The following LMAN1 variants were observed in gnomAD, a reference collection of about 807,000 sequenced individuals.
LMAN1 encodes lectin, mannose binding 1.
LMAN1 carries 32 observed loss-of-function variants against 67.8 expected under a neutral mutation model. The ratio of observed to expected loss-of-function variants is 0.47; its 90% CI spans 0.36 to 0.63. The LOEUF is 0.63. LMAN1 is among the 30% of genes least tolerant of loss of function. The pLI is 0.00. For synonymous variants in LMAN1, 235 were observed against 219.3 expected, an observed-to-expected ratio of 1.07 and a Z score of -0.63; for missense variants, 632 against 628.2, an observed-to-expected ratio of 1.01 and a Z score of -0.06.
At chr18:59,350,739 C>A (rs1314201266) in intron 5 of LMAN1, among the ~76,000 whole-genome samples, 1 of 152,156 alleles carries the variant, frequency 6.6e-6, no homozygotes, top group African/African-American at 2.4e-5. Flanking sequence ...TCGTGATCCG[C>A]CCGCCTCGGC....
At chr18:59,345,829 G>A in intron 8 of LMAN1, 90 bp downstream of exon 8, 3 of 1,445,752 alleles carry the variant, frequency 2.1e-6, no homozygotes, top group Non-Finnish European at 2.9e-6. Context: ...AGAGAGCAGG[G>A]ATGAGCTAGG....
chr18:59,347,609 TAGG>T lies in LMAN1; in HGVS notation c.764-41_764-39del, dbSNP rs1568116429. 5.4e-6 allele frequency: 7 copies of T among 1,308,168 alleles called. No homozygotes were observed. In the Admixed American group the frequency reaches 7.3e-5, roughly 14 times the overall value. The allele number at this position is 1,308,168 out of a possible 1,614,324, so 81.0% of individuals were successfully genotyped here. A position where few individuals can be genotyped will look rare whatever the true frequency, so the allele number is the denominator to read the frequency against. Reference sequence around the variant, plus strand: ...AAAAAAAAAGTCTGAAAAAGTTCCATAGGAGATTACTTTTATCATTGTAAATGT... The same window carrying T: ...AAAAAAAAAGTCTGAAAAAGTTCCATAGATTACTTTTATCATTGTAAATGT... On this transcript the variant is annotated intron_variant, in intron 6 of 12. Coordinates refer to ENST00000251047, the MANE Select transcript of LMAN1 (RefSeq NM_005570.4).
chr18:59,339,464 C>A (rs1331110735), intron 8 of LMAN1, among the ~76,000 whole-genome samples: 1 of 152,124 alleles, frequency 6.6e-6, no homozygotes, highest in African/African-American at 2.4e-5. Context: ...AACCCCAGGG[C>A]CCTGCAGTCC....
intron 5 of LMAN1, among the ~76,000 whole-genome samples, chr18:59,350,699 G>A (rs1396500268): frequency 6.6e-6 from 1 of 151,984 alleles, no homozygotes; most frequent in African/African-American, 2.4e-5. Flanking sequence ...GTTTCACCGT[G>A]TGAGCCAGGA....
chr18:59,340,693 TATAAA>T (rs1908267601), intron 8 of LMAN1, among the ~76,000 whole-genome samples: 1 of 151,610 alleles, frequency 6.6e-6, no homozygotes, highest in African/African-American at 2.4e-5. Flanking sequence ...AAAACAGAAA[TATAAA>T]ATAAAAGTTC....
chr18:59,347,481 G>A lies in LMAN1; in HGVS notation c.822+32C>T, dbSNP rs7234168. The A allele has an allele frequency of 1.9e-6, 3 of 1,538,528 alleles. No homozygotes were observed. The Admixed American group carries it at 5.2e-5, about 27-fold the overall frequency. On this transcript the variant is annotated intron_variant, in intron 7 of 12. Transcript: ENST00000251047. ...GTTCAGCTAAAAGGCAAACTAAACT[G>A]ATAAAGTTTTTGAAAATATGTGTAA...
Position 59,331,479 on chromosome 18 carries a change from C to A in LMAN1, c.1435G>T (p.Val479Phe). 3 of 1,611,310 alleles carry A rather than the reference C, an allele frequency of 1.9e-6. No individual in the cohort carries two copies. The highest frequency in any genetic ancestry group is 2.5e-6 in the Non-Finnish European group (3 of 1,177,660). The stretch of plus-strand genomic sequence containing the variant: ...ACCACAACAAATATAATGAAGTGGA[C>A]CGTAGACAAACATGATGGAAATGGT... ...LPPFPSCLST[V>F]HFIIFVVVQT... The change falls in exon 12 of 13, where the codon GTC becomes TTC. Residue 479 changes from valine (V) to phenylalanine (F), a missense_variant. By Grantham distance (50) the Val-to-Phe change is conservative. Transcript: ENST00000251047.
In LMAN1 at chr18:59,338,839, T is replaced by C; in HGVS notation, c.1070A>G (p.Asp357Gly). The part of the protein sequence containing the change: ...QLNRQLDMIL[D>G]EQRRYVSSLT... ...GGAAGAGACATATCTTCTCTGTTCA[T>C]CAAGAATCATATCTAACTGCCGGTT... The change falls in exon 9 of 13, where the codon GAT (aspartate) becomes GGT (glycine). Residue 357 changes from aspartate (D) to glycine (G), a missense_variant. Physicochemically the swap from Asp to Gly is moderately conservative, Grantham distance 94. Coordinates refer to ENST00000251047, the MANE Select transcript of LMAN1 (RefSeq NM_005570.4). The C allele has an allele frequency of 6.2e-7, 1 of 1,614,036 alleles. No individual in the cohort carries two copies. Among genetic ancestry groups the C allele is most frequent in the Non-Finnish European group, 8.5e-7 (1 of 1,179,986 alleles).
Position 59,330,302 on chromosome 18 carries a change from A to C in LMAN1, c.*791T>G, listed in dbSNP as rs766937075. The stretch of plus-strand genomic sequence containing the variant: ...AATAAATTCCTTAAGTTACAAATAT[A>C]AATATAAAAATTATTTTCATAATAT... On this transcript the variant is annotated 3_prime_UTR_variant, in exon 13 of 13. Transcript: ENST00000251047. The C allele has an allele frequency of 5.2e-5, 8 of 152,732 alleles. No individual in the cohort carries two copies. Among genetic ancestry groups the C allele is most frequent in the Non-Finnish European group, 1.0e-4 (7 of 68,014 alleles). 9.5% of individuals were successfully genotyped at this position (152,732 alleles called of 1,614,324 possible).
chr18:59,355,597 T>C lies in LMAN1; in HGVS notation c.276A>G (p.Ser92=). 1 of 1,614,172 alleles carries C rather than the reference T, an allele frequency of 6.2e-7. No individual in the cohort carries two copies. The change falls in exon 2 of 13, where the codon TCA becomes TCG. Residue 92 remains serine (S), a synonymous_variant. Transcript: ENST00000251047. ...AGGCCGCTTTTGTCTTTGTCCACAC[T>C]GAGCCTCTTTGGCTTTTTAAAGATG... The part of the protein sequence containing the change: ...VAPSLKSQRG[S]VWTKTKAAFE...
chr18:59,338,707 T>C, intron 9 of LMAN1, 53 bp downstream of exon 9: 1 of 1,609,144 alleles, frequency 6.2e-7, no homozygotes, highest in Non-Finnish European at 8.5e-7. Flanking sequence ...TCTTCTTTAC[T>C]TCCCTTCCAG....
rs533428033 is a variant in LMAN1, at chr18:59,354,341, T to C, written c.539+178A>G. Among the ~76,000 whole-genome samples, 16 of 152,314 alleles carry C rather than the reference T, an allele frequency of 1.1e-4. 1 individual carries two copies. The highest frequency in any genetic ancestry group is 5.2e-4 in the Admixed American group (8 of 15,306). On this transcript the variant is annotated intron_variant, in intron 4 of 12. Coordinates refer to ENST00000251047, the MANE Select transcript of LMAN1 (RefSeq NM_005570.4). ...GGTTGAATCTGAGATGGTCCACAGATAGAACTTCAGAACAGAACCAAATAA... is the reference window on the plus strand; with the variant it reads ...GGTTGAATCTGAGATGGTCCACAGACAGAACTTCAGAACAGAACCAAATAA...
intron 7 of LMAN1, 88 bp from the exon 8 acceptor site, chr18:59,346,139 T>A: frequency 9.0e-7 from 1 of 1,107,536 alleles, no homozygotes; most frequent in Non-Finnish European, 1.3e-6. Context: ...TCATTTTAAC[T>A]CTTCTACCAC....
At chr18:59,350,268 T>A (rs762579891) in intron 5 of LMAN1, among the ~76,000 whole-genome samples, 3 of 152,254 alleles carry the variant, frequency 2.0e-5, no homozygotes, top group Non-Finnish European at 2.9e-5. Flanking sequence ...ATTAGTAATA[T>A]TCCTATTTCA....
chr18:59,328,102 C>T lies in LMAN1; in HGVS notation c.*2991G>A, dbSNP rs1012935764. On this transcript the variant is annotated 3_prime_UTR_variant, in exon 13 of 13. Transcript: ENST00000251047. ...TTGTTCACTATCTTCTTTCAATAAG[C>T]ACATGGACAGGGAAAGATAATCACA... 6.6e-6 allele frequency: 1 copy of T among 152,140 alleles called. No individual in the cohort carries two copies. Among genetic ancestry groups the T allele is most frequent in the Non-Finnish European group, 1.5e-5 (1 of 68,026 alleles). The allele number at this position is 152,140 out of a possible 1,614,324, so 9.4% of individuals were successfully genotyped here.
At chr18:59,347,030 A>T (rs1432284852) in intron 7 of LMAN1, among the ~76,000 whole-genome samples, 1 of 151,866 alleles carries the variant, frequency 6.6e-6, no homozygotes, top group Admixed American at 6.6e-5. Flanking sequence ...GGAGATCGAG[A>T]CCATCCTGGC....
intron 5 of LMAN1, among the ~76,000 whole-genome samples, chr18:59,350,515 G>A (rs1157688243): frequency 6.6e-6 from 1 of 151,936 alleles, no homozygotes; most frequent in Non-Finnish European, 1.5e-5. Context: ...TATTTTTTGA[G>A]ACAGGGTCTC....
At chr18:59,340,092 G>A (rs1307171318) in intron 8 of LMAN1, among the ~76,000 whole-genome samples, 2 of 152,166 alleles carry the variant, frequency 1.3e-5, no homozygotes, top group African/African-American at 4.8e-5. Context: ...TGACTAGGAA[G>A]GGCCCTGCTC....
chr18:59,359,208 C>T lies in LMAN1; in HGVS notation c.37G>A (p.Val13Ile), dbSNP rs755550499. ...GSRQRGLRAR[V>I]RPLFCALLLS... is the part of the protein sequence containing the mutation. ...AGCAAGGCGCAGAACAGCGGCCGAA[C>T]TCTGGCCCGGAGACCCCTTTGCCTG... The change falls in exon 1 of 13, where the codon GTT (valine) becomes ATT (isoleucine). Residue 13 changes from valine to isoleucine, a missense_variant. By Grantham distance (29) the Val-to-Ile change is conservative. Transcript: ENST00000251047. The T allele has an allele frequency of 6.2e-7, 1 of 1,613,872 alleles. No individual in the cohort carries two copies. The highest frequency in any genetic ancestry group is 8.5e-7 in the Non-Finnish European group (1 of 1,179,918).
Sources: gnomAD v4.1 joint callset for allele counts (sites outside exome capture counted in the v4.1 genomes callset) on GRCh38, gnomAD v4.1.1 for gene constraint, MANE v1.5 for transcripts, NCBI Gene and HGNC (gene_info 2026-07-23, HGNC 2026-07-21) for gene names.